The following RIMS1 variants were observed in gnomAD, a reference collection of about 807,000 sequenced individuals.
The protein encoded by RIMS1 is regulating synaptic membrane exocytosis 1, also known as regulating synaptic membrane exocytosis protein 1.
In RIMS1, 83 loss-of-function variants were observed where a neutral mutation model predicts 214.1. That is an observed-to-expected ratio of 0.39 (90% CI 0.32 to 0.47). The LOEUF is 0.47. RIMS1 is among the 20% of genes least tolerant of loss of function. The pLI is 0.99. For synonymous variants in RIMS1, 793 were observed against 786.8 expected (o/e 1.01, Z -0.13); for missense variants, 2,050 against 2,161.8 (o/e 0.95, Z 1.03).
intron 24 of RIMS1, among the ~76,000 whole-genome samples, chr6:72,286,898 A>T (rs1422956465): frequency 6.6e-6 from 1 of 152,228 alleles, no homozygotes; most frequent in Non-Finnish European, 1.5e-5. Flanking sequence ...CTCATGACAG[A>T]TAGCCTTTTA....
intron 11 of RIMS1, 88 bp downstream of exon 11, chr6:72,245,949 G>GAA: frequency 4.3e-6 from 4 of 935,844 alleles, no homozygotes; most frequent in Middle Eastern, 2.5e-4. Context: ...TTGATATAAT[G>GAA]AATTGGGGTT....
intron 2 of RIMS1, among the ~76,000 whole-genome samples, chr6:72,092,070 T>C (rs1586764196): frequency 6.6e-6 from 1 of 152,242 alleles, no homozygotes; most frequent in Non-Finnish European, 1.5e-5. Context: ...AGTATCTTGC[T>C]TCCAAAGGCA....
At chr6:72,178,955 T>C (rs1042922626) in intron 4 of RIMS1, among the ~76,000 whole-genome samples, 7 of 152,210 alleles carry the variant, frequency 4.6e-5, no homozygotes, top group African/African-American at 1.7e-4. Context: ...CTTTAGTAAA[T>C]ATGTGCATGG....
chr6:71,908,788 T>C (rs534795859), intron 1 of RIMS1, among the ~76,000 whole-genome samples: 2 of 152,266 alleles, frequency 1.3e-5, no homozygotes, highest in East Asian at 3.9e-4. Flanking sequence ...GTAATTAACA[T>C]TTTTACAGTG....
In RIMS1 at chr6:72,282,429, C is replaced by G. The variant is rs73750474; in HGVS notation, c.3483-1618C>G. Among the ~76,000 whole-genome samples the G allele has an allele frequency of 3.1e-3, 478 of 152,040 alleles. 2 individuals carry two copies. The highest frequency in any genetic ancestry group is 0.01 in the African/African-American group (433 of 41,478). ...TGATCCCCTCTCCTGACCACAGAAG[C>G]AATAAAGTAAATAAGAACCTTAATG... On this transcript the variant is annotated intron_variant, in intron 23 of 33. Transcript: ENST00000521978.
chr6:72,264,078 TA>T, intron 19 of RIMS1: 1 of 808,000 alleles, frequency 1.2e-6, no homozygotes, highest in East Asian at 1.2e-4. Context: ...ATCATTAATA[TA>T]AACATGATTA....
At chr6:72,358,701 T>C (rs1345382434) in intron 29 of RIMS1, among the ~76,000 whole-genome samples, 2 of 152,150 alleles carry the variant, frequency 1.3e-5, no homozygotes, top group African/African-American at 4.8e-5. Context: ...AATTAATCAA[T>C]AGAGCCTTGT....
intron 4 of RIMS1, among the ~76,000 whole-genome samples, chr6:72,157,184 CT>C (rs1454347886): frequency 7.1e-6 from 1 of 140,278 alleles, no homozygotes; most frequent in African/African-American, 2.5e-5. Flanking sequence ...TCTGGAAAAC[CT>C]TTTCGGGATT....
chr6:72,376,780 C>T (rs2098394909), intron 29 of RIMS1, among the ~76,000 whole-genome samples: 1 of 151,560 alleles, frequency 6.6e-6, no homozygotes. Flanking sequence ...GATTTTGCTA[C>T]TCATATAAGA....
At chr6:72,189,917 A>G (rs2049781400) in intron 6 of RIMS1, among the ~76,000 whole-genome samples, 1 of 152,198 alleles carries the variant, frequency 6.6e-6, no homozygotes, top group Non-Finnish European at 1.5e-5. Flanking sequence ...AAATATCTTC[A>G]GTTTTTGACC....
rs192098372 is a variant in RIMS1, at chr6:72,083,054, T to C, written c.246-13895T>C. On this transcript the variant is annotated intron_variant, in intron 2 of 33. Coordinates refer to ENST00000521978, the MANE Select transcript of RIMS1 (RefSeq NM_014989.7). Reference sequence around the variant, plus strand: ...TCCCCTCCCTTAGGTAACACATGCCTGAACATAGTTTTTCACCTAAAAGAA... The same window carrying C: ...TCCCCTCCCTTAGGTAACACATGCCCGAACATAGTTTTTCACCTAAAAGAA... Among the ~76,000 whole-genome samples, 376 of 152,316 alleles carry C rather than the reference T, an allele frequency of 2.5e-3. 2 individuals carry two copies. The highest frequency in any genetic ancestry group is 0.02 in the Middle Eastern group (6 of 294).
At chr6:72,171,358 GTA>G (rs746678041) in intron 4 of RIMS1, among the ~76,000 whole-genome samples, 62 of 148,702 alleles carry the variant, frequency 4.2e-4, no homozygotes, top group African/African-American at 7.1e-4. Flanking sequence ...GTGTGTGTGT[GTA>G]TATATATATA....
At chr6:72,058,914 A>G (rs1827099119) in intron 2 of RIMS1, among the ~76,000 whole-genome samples, 1 of 152,142 alleles carries the variant, frequency 6.6e-6, no homozygotes, top group Admixed American at 6.6e-5. Context: ...TATTGAAAAT[A>G]TTTGCATTAT....
chr6:72,117,430 T>A (rs952201349), intron 4 of RIMS1, among the ~76,000 whole-genome samples: 9 of 151,984 alleles, frequency 5.9e-5, no homozygotes, highest in African/African-American at 2.4e-5. Flanking sequence ...TTTGTTGACT[T>A]TCTCTCTTGA....
intron 1 of RIMS1, among the ~76,000 whole-genome samples, chr6:71,917,261 T>C (rs1173957646): frequency 6.6e-6 from 1 of 152,014 alleles, no homozygotes; most frequent in Non-Finnish European, 1.5e-5. Context: ...ATGAGGTAAG[T>C]GTATAAAGGG....
chr6:71,905,341 A>G (rs558191435), intron 1 of RIMS1, among the ~76,000 whole-genome samples: 2 of 152,268 alleles, frequency 1.3e-5, no homozygotes, highest in East Asian at 1.9e-4. Flanking sequence ...TCTCACTAGC[A>G]TAGTTCAGTG....
chr6:72,164,937 A>T (rs2046044593), intron 4 of RIMS1, among the ~76,000 whole-genome samples: 1 of 152,138 alleles, frequency 6.6e-6, no homozygotes, highest in African/African-American at 2.4e-5. Flanking sequence ...AAAGGCCCCA[A>T]CTCCAAATAT....
intron 2 of RIMS1, among the ~76,000 whole-genome samples, chr6:72,008,587 T>A (rs1808837755): frequency 6.6e-6 from 1 of 152,114 alleles, no homozygotes; most frequent in Non-Finnish European, 1.5e-5. Flanking sequence ...CCATCTCACA[T>A]ACAGAGACAC....
intron 2 of RIMS1, among the ~76,000 whole-genome samples, chr6:72,062,820 T>G (rs189048107): frequency 1.3e-5 from 2 of 152,196 alleles, no homozygotes; most frequent in East Asian, 1.9e-4. Context: ...GTCCCTTGGT[T>G]TGTAGAGGCA....
Sources: allele counts gnomAD v4.1 joint callset (sites outside exome capture counted in the v4.1 genomes callset), GRCh38; gene constraint gnomAD v4.1.1; transcripts MANE v1.5; gene names NCBI Gene and HGNC (gene_info 2026-07-23, HGNC 2026-07-21).